IGF1R: variants seen among roughly 807,000 people sequenced by gnomAD.
The protein encoded by IGF1R is insulin like growth factor 1 receptor.
Under a neutral mutation model 144.6 loss-of-function variants are expected in IGF1R, and 44 were observed. That is an observed-to-expected ratio of 0.30 (90% CI 0.24 to 0.39). The LOEUF is 0.39. Ranked by LOEUF, IGF1R falls within the 10% of genes least tolerant of loss-of-function variation. The pLI is 1.00. For synonymous variants in IGF1R, 795 were observed against 722.8 expected (o/e 1.10, Z -1.60); for missense variants, 1,355 against 1,833.7 (o/e 0.74, Z 4.77).
rs1291586730 is a variant in IGF1R, at chr15:98,649,274, G to A, written c.-308G>A. The A allele has an allele frequency of 2.3e-5, 5 of 214,012 alleles. No homozygotes were observed. Among genetic ancestry groups the A allele is most frequent in the Non-Finnish European group, 4.7e-5 (5 of 106,360 alleles). The allele number at this position is 214,012 out of a possible 1,614,324, so 13.3% of individuals were successfully genotyped here. ...GTTTTCCCCCCTTCCTGCCTCTCCGGGTTTGAAAATGGAGGCCGACGACGC... is the reference window on the plus strand; with the variant it reads ...GTTTTCCCCCCTTCCTGCCTCTCCGAGTTTGAAAATGGAGGCCGACGACGC... On this transcript the variant is annotated 5_prime_UTR_variant, in exon 1 of 21. Transcript: ENST00000650285.
chr15:98,802,705 T>G (rs911555108), intron 2 of IGF1R, among the ~76,000 whole-genome samples: 9 of 152,338 alleles, frequency 5.9e-5, no homozygotes, highest in African/African-American at 2.2e-4. Flanking sequence ...TTGAAAGAGT[T>G]TTTTGCTTGA....
At chr15:98,751,595 C>T (rs752395969) in intron 2 of IGF1R, among the ~76,000 whole-genome samples, 11 of 152,166 alleles carry the variant, frequency 7.2e-5, no homozygotes, top group Non-Finnish European at 1.3e-4. Context: ...GTAAAGAAGG[C>T]TGCAGCAAAC....
At chr15:98,773,695 G>T (rs1044505993) in intron 2 of IGF1R, among the ~76,000 whole-genome samples, 1 of 152,208 alleles carries the variant, frequency 6.6e-6, no homozygotes, top group African/African-American at 2.4e-5. Flanking sequence ...ACTGTAATCA[G>T]CAGGGAGGCA....
chr15:98,653,462 T>G (rs1189306086), intron 1 of IGF1R, among the ~76,000 whole-genome samples: 1 of 152,208 alleles, frequency 6.6e-6, no homozygotes, highest in Non-Finnish European at 1.5e-5. Flanking sequence ...TTTAATGCAG[T>G]ATTGTTGTTT....
rs545467459 is a variant in IGF1R, at chr15:98,957,205, G to C, written c.3867G>C (p.Glu1289Asp). Reference sequence around the variant, plus strand: ...ACAGCGAGGAGAACAAGCTGCCCGAGCCGGAGGAGCTGGACCTGGAGCCAG... The same window carrying C: ...ACAGCGAGGAGAACAAGCTGCCCGACCCGGAGGAGCTGGACCTGGAGCCAG... ...FYYSEENKLP[E>D]PEELDLEPEN... The change falls in exon 21 of 21, where the codon GAG (glutamate) becomes GAC (aspartate). Residue 1289 changes from glutamate to aspartate, a missense_variant. Transcript: ENST00000650285. 1 of 1,614,226 alleles carries C rather than the reference G, an allele frequency of 6.2e-7. No homozygotes were observed. Among genetic ancestry groups the C allele is most frequent in the Non-Finnish European group, 8.5e-7 (1 of 1,180,034 alleles).
chr15:98,881,262 A>C (rs949188575), intron 2 of IGF1R, among the ~76,000 whole-genome samples: 7 of 152,120 alleles, frequency 4.6e-5, no homozygotes, highest in African/African-American at 1.4e-4. Flanking sequence ...TAAATGGAAA[A>C]GTAGCATGAG....
intron 1 of IGF1R, 89 bp downstream of exon 1, chr15:98,649,764 C>A: frequency 1.0e-6 from 1 of 994,534 alleles, no homozygotes; most frequent in South Asian, 1.3e-5. Flanking sequence ...TTGCCACCGT[C>A]GCAGCTGTCG....
intron 2 of IGF1R, among the ~76,000 whole-genome samples, chr15:98,723,282 A>T (rs565654359): frequency 6.6e-6 from 1 of 152,300 alleles, no homozygotes; most frequent in Non-Finnish European, 1.5e-5. Flanking sequence ...AGAACAAAGG[A>T]ATTCCAGACG....
chr15:98,702,225 T>G lies in IGF1R; in HGVS notation c.95-5337T>G, dbSNP rs56344251. ...TTATTTTCAAAATATATATAGCTTG[T>G]ATATGCCATTCACCTAAGTTGTTAG... On this transcript the variant is annotated intron_variant, in intron 1 of 20. Transcript: ENST00000650285. Among the ~76,000 whole-genome samples, 1,477 of 152,282 alleles carry G rather than the reference T, an allele frequency of 9.7e-3. 24 individuals are homozygous for G. Among genetic ancestry groups the G allele is most frequent in the African/African-American group, 0.033 (1,357 of 41,562 alleles).
chr15:98,714,761 A>C (rs183445050), intron 2 of IGF1R, among the ~76,000 whole-genome samples: 2 of 152,308 alleles, frequency 1.3e-5, no homozygotes, highest in East Asian at 3.9e-4. Flanking sequence ...AGAGGGGCAC[A>C]TTGTCTTTGT....
chr15:98,956,814 G>C (rs149989015), intron 20 of IGF1R, among the ~76,000 whole-genome samples: 1 of 152,326 alleles, frequency 6.6e-6, no homozygotes, highest in African/African-American at 2.4e-5. Context: ...AGGAGAGTTT[G>C]GGTTTTGTAC....
chr15:98,694,011 A>G (rs1298935228), intron 1 of IGF1R, among the ~76,000 whole-genome samples: 2 of 152,244 alleles, frequency 1.3e-5, no homozygotes, highest in Non-Finnish European at 2.9e-5. Flanking sequence ...TGACTTTGTC[A>G]GCATGCTGCT....
intron 8 of IGF1R, among the ~76,000 whole-genome samples, chr15:98,914,809 C>A (rs1275972381): frequency 6.6e-6 from 1 of 152,166 alleles, no homozygotes; most frequent in East Asian, 1.9e-4. Context: ...TGGTCCTCTG[C>A]CTCTGCTGTT....
At chr15:98,874,858 G>A (rs148062723) in intron 2 of IGF1R, among the ~76,000 whole-genome samples, 77 of 152,326 alleles carry the variant, frequency 5.1e-4, no homozygotes, top group African/African-American at 1.8e-3. Flanking sequence ...CTGGGTGATT[G>A]GGGGAAACTG....
At position 98,707,485 on chromosome 15, in the gene IGF1R, A is replaced by G. The variant is rs552297399; in HGVS notation, c.95-77A>G. 9.3e-5 allele frequency: 127 copies of G among 1,370,736 alleles called. 1 individual carries two copies. In the African/African-American group the frequency reaches 1.5e-3, roughly 16 times the overall value. The allele number at this position is 1,370,736 out of a possible 1,614,324, so 84.9% of individuals were successfully genotyped here. On this transcript the variant is annotated intron_variant, in intron 1 of 20. Transcript: ENST00000650285. This position sits in a 1 kb window ranked among gnomAD's most constrained non-coding sequence, Gnocchi z 6.7. Reference sequence around the variant, plus strand: ...AATAATACAGGATTCCTGAAAACCAACTGTATTATTGTTTGGAAAATAGTT... The same window carrying G: ...AATAATACAGGATTCCTGAAAACCAGCTGTATTATTGTTTGGAAAATAGTT...
intron 2 of IGF1R, among the ~76,000 whole-genome samples, chr15:98,883,238 C>G (rs371917345): frequency 5.3e-5 from 8 of 152,310 alleles, no homozygotes; most frequent in African/African-American, 1.9e-4. Flanking sequence ...GGCTGCAGCT[C>G]CAGGCAGAAA....
At chr15:98,651,193 C>A in intron 1 of IGF1R, 1 of 332,278 alleles carries the variant, frequency 3.0e-6, no homozygotes, top group East Asian at 1.7e-4. Context: ...GGTTGTATGG[C>A]CCCATCACCG....
chr15:98,694,711 G>T (rs1457174536), intron 1 of IGF1R, among the ~76,000 whole-genome samples: 8 of 152,188 alleles, frequency 5.3e-5, no homozygotes. Flanking sequence ...CAATTTCCAT[G>T]GAAGAATATA....
chr15:98,888,681 A>T (rs2013762923), intron 2 of IGF1R, among the ~76,000 whole-genome samples: 1 of 152,216 alleles, frequency 6.6e-6, no homozygotes, highest in Non-Finnish European at 1.5e-5. Context: ...CTTATCAACA[A>T]AATGGCATAA....
Sources: gnomAD v4.1 joint callset for allele counts (sites outside exome capture counted in the v4.1 genomes callset) on GRCh38, gnomAD v4.1.1 for gene constraint, Gnocchi (gnomAD v3.1) non-coding constraint, MANE v1.5 for transcripts, NCBI Gene and HGNC (gene_info 2026-07-23, HGNC 2026-07-21) for gene names.